NKIRAS1: variants seen among roughly 807,000 people sequenced by gnomAD.
NKIRAS1 encodes NFKB inhibitor interacting Ras like 1, also known as NF-kappa-B inhibitor-interacting Ras-like protein 1.
Under a neutral mutation model 19.8 loss-of-function variants are expected in NKIRAS1, and 16 were observed. The ratio of observed to expected loss-of-function variants is 0.81; its 90% confidence interval spans 0.55 to 1.23. The LOEUF is 1.23. NKIRAS1 is among the 50% of genes most tolerant of loss of function. The probability of loss-of-function intolerance (pLI) is 0.00; values close to 1 mark genes in which losing one functional copy is unlikely to be tolerated. For synonymous variants in NKIRAS1, 88 were observed against 79.0 expected, an observed-to-expected ratio of 1.11 and a Z score of -0.61; for missense variants, 184 against 220.0, an observed-to-expected ratio of 0.84 and a Z score of 1.04.
intron 3 of NKIRAS1, among the ~76,000 whole-genome samples, chr3:23,907,090 C>T (rs146016556): frequency 3.9e-5 from 6 of 151,922 alleles, no homozygotes; most frequent in South Asian, 2.1e-4. Flanking sequence ...GATGGGGTTT[C>T]GCCATGTTGG....
At chr3:23,945,827 C>G (rs1233733456) in intron 1 of NKIRAS1, among the ~76,000 whole-genome samples, 3 of 150,780 alleles carry the variant, frequency 2.0e-5, no homozygotes, top group African/African-American at 7.3e-5. Context: ...CCGGCCCGGC[C>G]CCCCCCTCAC....
At chr3:23,896,506 G>A (rs530629027) in intron 4 of NKIRAS1, among the ~76,000 whole-genome samples, 21 of 152,064 alleles carry the variant, frequency 1.4e-4, no homozygotes, top group African/African-American at 3.4e-4. Context: ...CCAGCTACTC[G>A]GGAGGCTGAG....
intron 1 of NKIRAS1, chr3:23,923,168 TGTTTA>T (rs1308533976): frequency 1.3e-5 from 2 of 152,134 alleles, no homozygotes; most frequent in Admixed American, 6.6e-5. Context: ...TTGATTTTTT[TGTTTA>T]GTTATGTATC....
rs927313702 is a variant in NKIRAS1 at position 23,906,657 on chromosome 3, T to C, written c.94+4154A>G. 2.0e-4 allele frequency among the ~76,000 whole-genome samples: 30 copies of C among 151,528 alleles called. 1 individual carries two copies. The highest frequency in any genetic ancestry group is 7.0e-4 in the African/African-American group (29 of 41,260). On this transcript the variant is annotated intron_variant, in intron 3 of 4. Transcript: ENST00000425478. ...TTTTCTTCCTTATGATTTTTTTTTT[T>C]TTTTTGAGATGGAGAATCACTTGAA... is the stretch of plus-strand genomic sequence containing the variant.
At chr3:23,938,279 A>C (rs4355230) in intron 1 of NKIRAS1, among the ~76,000 whole-genome samples, 96,390 of 150,276 alleles carry the variant, frequency 0.64, 31,121 homozygotes, top group Middle Eastern at 0.73. Context: ...GTACGATCAC[A>C]ACTCACTGCA....
At chr3:23,900,641 C>CAAAAA (rs57762803) in intron 4 of NKIRAS1, among the ~76,000 whole-genome samples, 167 bp downstream of exon 4, 1 of 114,156 alleles carries the variant, frequency 8.8e-6, no homozygotes, top group Non-Finnish European at 1.8e-5. Context: ...GACTCCGTCT[C>CAAAAA]AAAAAAAAAA....
chr3:23,939,566 A>AC (rs1199201071), intron 1 of NKIRAS1, among the ~76,000 whole-genome samples: 3 of 152,050 alleles, frequency 2.0e-5, no homozygotes, highest in Non-Finnish European at 4.4e-5. Flanking sequence ...ACATGGTAAA[A>AC]CCCCGTCTCT....
chr3:23,921,795 G>C, upstream of NKIRAS1: 1 of 572,092 alleles, frequency 1.7e-6, no homozygotes, highest in Non-Finnish European at 3.1e-6. Flanking sequence ...GGCTGGTCTC[G>C]AACTCCTGAC....
At chr3:23,923,186 A>T (rs1025116296) in intron 1 of NKIRAS1, 2 of 149,878 alleles carry the variant, frequency 1.3e-5, no homozygotes, top group East Asian at 3.9e-4. Flanking sequence ...TATGTATCTC[A>T]GAGCTTATTC....
intron 3 of NKIRAS1, 130 bp from the exon 4 acceptor site, chr3:23,901,179 CTTTTTTTTT>C (rs369838815): frequency 1.4e-6 from 1 of 728,946 alleles, no homozygotes. Context: ...TTCTATTTTA[CTTTTTTTTT>C]TTTTTTTTGA....
At chr3:23,924,712 G>A (rs988862715) in intron 1 of NKIRAS1, among the ~76,000 whole-genome samples, 76 of 152,272 alleles carry the variant, frequency 5.0e-4, no homozygotes, top group Non-Finnish European at 2.1e-4. Flanking sequence ...CTGCTCATAA[G>A]ATTCTTGAAG....
At chr3:23,943,309 C>G (rs75220921) in intron 1 of NKIRAS1, among the ~76,000 whole-genome samples, 1,993 of 152,224 alleles carry the variant, frequency 0.013, 50 homozygotes, top group African/African-American at 0.046. Context: ...CTCGGCTCAC[C>G]GCAACTTCCG....
intron 1 of NKIRAS1, chr3:23,946,129 C>T (rs1444640921): frequency 1.0e-6 from 1 of 985,044 alleles, no homozygotes; most frequent in Non-Finnish European, 1.2e-6. Context: ...TTCCCTCCTC[C>T]CCCGCGGGGT....
At chr3:23,929,761 A>C (rs1705273440) in intron 1 of NKIRAS1, among the ~76,000 whole-genome samples, 1 of 152,192 alleles carries the variant, frequency 6.6e-6, no homozygotes, top group South Asian at 2.1e-4. Flanking sequence ...CAATGTACTT[A>C]AAATTTGTGG....
intron 1 of NKIRAS1, chr3:23,924,437 C>G (rs1004929440): frequency 6.6e-6 from 1 of 152,214 alleles, no homozygotes; most frequent in African/African-American, 2.4e-5. Flanking sequence ...TGAGACGAGT[C>G]TCTGTCACCC....
chr3:23,933,540 A>G (rs1472191132), intron 1 of NKIRAS1, among the ~76,000 whole-genome samples: 1 of 152,208 alleles, frequency 6.6e-6, no homozygotes, highest in African/African-American at 2.4e-5. Flanking sequence ...ACCACTGTTG[A>G]GAAAACCCTG....
At chr3:23,928,689 T>C (rs1165719933) in intron 1 of NKIRAS1, among the ~76,000 whole-genome samples, 6 of 116,848 alleles carry the variant, frequency 5.1e-5, no homozygotes, top group South Asian at 2.9e-4. Flanking sequence ...GATTTAGGCT[T>C]AAAAAAAAAA....
Position 23,890,449 on chromosome 3 carries a change from C to A in NKIRAS1, c.*2646G>T. On this transcript the variant is annotated 3_prime_UTR_variant, in exon 5 of 5. Coordinates refer to ENST00000425478, the MANE Select transcript of NKIRAS1 (RefSeq NM_020345.4). Reference sequence around the variant, plus strand: ...CGTATCTACCCAAGCTGTCACTATTCGCTAAAGTTTAAAATGTTCTTTTCC... The same window carrying A: ...CGTATCTACCCAAGCTGTCACTATTAGCTAAAGTTTAAAATGTTCTTTTCC... 2 of 1,541,426 alleles carry A rather than the reference C, an allele frequency of 1.3e-6. No individual in the cohort carries two copies. Among genetic ancestry groups the A allele is most frequent in the Non-Finnish European group, 1.8e-6 (2 of 1,131,830 alleles).
intron 3 of NKIRAS1, among the ~76,000 whole-genome samples, chr3:23,903,420 G>A (rs1050240100): frequency 6.6e-6 from 1 of 151,996 alleles, no homozygotes; most frequent in African/African-American, 2.4e-5. Flanking sequence ...GGGCCTAGGG[G>A]TCCATTTTTA....
Sources: allele counts gnomAD v4.1 joint callset (sites outside exome capture counted in the v4.1 genomes callset), GRCh38; gene constraint gnomAD v4.1.1; transcripts MANE v1.5; gene names NCBI Gene and HGNC (gene_info 2026-07-23, HGNC 2026-07-21).